The following EI24 variants were observed in gnomAD, a reference collection of about 807,000 sequenced individuals.
The protein encoded by EI24 is etoposide-induced protein 2.4 homolog.
EI24 carries 21 observed loss-of-function variants against 48.6 expected under a neutral mutation model. The ratio of observed to expected loss-of-function variants is 0.43; its 90% CI spans 0.31 to 0.62. EI24 has a LOEUF of 0.62. EI24 is among the 20% of genes least tolerant of loss of function. The pLI is 0.10. For synonymous variants in EI24, 114 were observed against 145.5 expected (o/e 0.78, Z 1.56); for missense variants, 280 against 410.5 (o/e 0.68, Z 2.75).
chr11:125,572,401 G>A (rs778189249), intron 1 of EI24, 57 bp from the exon 2 acceptor site: 82 of 836,104 alleles, frequency 9.8e-5, no homozygotes, highest in Non-Finnish European at 1.6e-4. Flanking sequence ...AAATGTGCAT[G>A]AAGTAACTTA....
Position 125,575,430 on chromosome 11 carries a change from T to C in EI24, c.188+22T>C, listed in dbSNP as rs201948806. The C allele has an allele frequency of 4.8e-4, 739 of 1,549,622 alleles. 3 individuals carry two copies. The highest frequency in any genetic ancestry group is 3.5e-3 in the South Asian group (294 of 84,390). ...AGAGGTAAGGAGTGCATGCCTGATA[T>C]CAAAATGTCCAAGGGAGGGAAGACC... On this transcript the variant is annotated intron_variant, in intron 3 of 10. Transcript: ENST00000278903.
chr11:125,580,001 A>G lies in EI24; in HGVS notation c.562-92A>G, dbSNP rs946087970. 5.0e-6 allele frequency: 5 copies of G among 1,008,580 alleles called. No individual in the cohort carries two copies. In the African/African-American group the frequency reaches 8.0e-5, roughly 16 times the overall value. The allele number at this position is 1,008,580 out of a possible 1,614,324, so 62.5% of individuals were successfully genotyped here. A position where few individuals can be genotyped will look rare whatever the true frequency, so the allele number is the denominator to read the frequency against. The stretch of plus-strand genomic sequence containing the variant: ...TTTAGAAACTTGAGAAGCAGCTAGG[A>G]AGCTATCTCAGACAGTGATTGGAGA... On this transcript the variant is annotated intron_variant, in intron 7 of 10. Coordinates refer to ENST00000278903, the MANE Select transcript of EI24 (RefSeq NM_004879.5).
At position 125,584,248 on chromosome 11, in the gene EI24, A is replaced by T. The variant is rs976754353; in HGVS notation, c.*565A>T. Reference sequence around the variant, plus strand: ...CCACTGCAAAAAAAAAAAAAAAAAAAAAAAAAAAAAAAAAGCCTGAAGAGA... The same window carrying T: ...CCACTGCAAAAAAAAAAAAAAAAAATAAAAAAAAAAAAAAGCCTGAAGAGA... On this transcript the variant is annotated 3_prime_UTR_variant, in exon 11 of 11. Transcript: ENST00000278903. The T allele has an allele frequency of 3.4e-5, 5 of 148,688 alleles. No individual in the cohort carries two copies. Among genetic ancestry groups the T allele is most frequent in the Non-Finnish European group, 7.4e-5 (5 of 67,604 alleles). The allele number at this position is 148,688 out of a possible 1,614,324, so 9.2% of individuals were successfully genotyped here. A position where few individuals can be genotyped will look rare whatever the true frequency, so the allele number is the denominator to read the frequency against.
Position 125,581,284 on chromosome 11 carries a change from G to C in EI24, c.747G>C (p.Leu249Phe), listed in dbSNP as rs1938981542. Residue 249 changes from leucine (L) to phenylalanine (F), a missense_variant, in exon 9 of 11, where the codon TTG becomes TTC. Leu to Phe is a conservative substitution (Grantham distance 22, BLOSUM62 0). Around this residue, in one of 3 missense-constraint regions of EI24, gnomAD observed 14 missense variants for 51.3 expected, o/e 0.27. Transcript: ENST00000278903. ...ACTACTTTGGGTTTGGTTTGCCCTT[G>C]GCTTTTCTCACAGCAATGCAGTCCT... ...WPYYFGFGLP[L>F]AFLTAMQSSY... 6.2e-7 allele frequency: 1 copy of C among 1,610,550 alleles called. No homozygotes were observed. Among genetic ancestry groups the C allele is most frequent in the African/African-American group, 1.3e-5 (1 of 74,754 alleles).
At chr11:125,578,543 G>A (rs905458855) in intron 6 of EI24, among the ~76,000 whole-genome samples, 1 of 129,558 alleles carries the variant, frequency 7.7e-6, no homozygotes, top group Non-Finnish European at 1.5e-5. Context: ...GGAGTGCACT[G>A]CAACCTTTGC....
chr11:125,582,121 A>G (rs1344075578), intron 9 of EI24, among the ~76,000 whole-genome samples: 1 of 151,852 alleles, frequency 6.6e-6, no homozygotes, highest in Non-Finnish European at 1.5e-5. Context: ...TCGCTTGAAC[A>G]CAGGAGGCGG....
chr11:125,582,737 A>G (rs1428559453), intron 10 of EI24, among the ~76,000 whole-genome samples: 2 of 152,230 alleles, frequency 1.3e-5, no homozygotes, highest in East Asian at 3.8e-4. Flanking sequence ...TAATAATAGC[A>G]TTCTAAAAGT....
chr11:125,571,285 T>G (rs567511937), intron 1 of EI24, among the ~76,000 whole-genome samples: 51 of 152,340 alleles, frequency 3.3e-4, no homozygotes, highest in Non-Finnish European at 6.6e-4. Context: ...GAGTGAGTGT[T>G]GAGAACTTTA....
At chr11:125,575,932 G>C in intron 3 of EI24, 1 of 392,598 alleles carries the variant, frequency 2.5e-6, no homozygotes, top group Non-Finnish European at 5.0e-6. Context: ...GGAAGTACAG[G>C]TGCGCACCAC....
At chr11:125,575,118 T>C in intron 2 of EI24, 145 bp from the exon 3 acceptor site, 2 of 610,836 alleles carry the variant, frequency 3.3e-6, no homozygotes, top group Non-Finnish European at 5.1e-6. Flanking sequence ...TCATAGCTCT[T>C]TGGGAGGCTG....
In EI24 at chr11:125,579,062, C is replaced by T. The variant is rs763078247; in HGVS notation, c.555C>T (p.Leu185=). ...LFNLLLQALF[L]IQGMFVSLFP... ...ACCTTTTGCTGCAGGCTCTTTTCCT[C>T]ATTCAGGTGAGACTGACCTTCTGGG... The change falls in exon 7 of 11, where the codon CTC becomes CTT. Residue 185 remains leucine, a synonymous_variant. Coordinates refer to ENST00000278903, the MANE Select transcript of EI24 (RefSeq NM_004879.5). 2 of 1,562,822 alleles carry T rather than the reference C, an allele frequency of 1.3e-6. No homozygotes were observed. Among genetic ancestry groups the T allele is most frequent in the East Asian group, 2.4e-5 (1 of 42,512 alleles).
chr11:125,572,669 A>G (rs1030891473), intron 2 of EI24, 100 bp downstream of exon 2: 62 of 1,136,714 alleles, frequency 5.5e-5, no homozygotes, highest in Non-Finnish European at 7.9e-5. Context: ...AACTTTTATC[A>G]TATTTCTTGG....
chr11:125,579,323 A>C (rs1938887749), intron 7 of EI24, among the ~76,000 whole-genome samples: 2 of 151,650 alleles, frequency 1.3e-5, no homozygotes, highest in Non-Finnish European at 2.9e-5. Context: ...CCAGGTGGAA[A>C]CTTTTTTTCT....
At chr11:125,581,479 G>C in intron 9 of EI24, among the ~76,000 whole-genome samples, 157 bp downstream of exon 9, 1 of 147,060 alleles carries the variant, frequency 6.8e-6, no homozygotes, top group Non-Finnish European at 1.5e-5. Flanking sequence ...TGAAGATCTA[G>C]TCTGAATGTC....
rs867200337 is a variant in EI24, at chr11:125,578,185, G to A, written c.369G>A (p.Thr123=). ...GGTCGTGGCTGGAATTCTTCCTCAC[G>A]TCAATTTTCAGTGCTCTTTGGGTGC... ...DVWSWLEFFL[T]SIFSALWVLP... The change falls in exon 6 of 11, where the codon ACG becomes ACA. Residue 123 remains threonine, a synonymous_variant. Transcript: ENST00000278903. 1.7e-5 allele frequency: 28 copies of A among 1,613,840 alleles called. 1 individual carries two copies. In the Middle Eastern group the frequency reaches 2.5e-3, roughly 144 times the overall value.
rs116802920 is a variant in EI24, at chr11:125,571,046, G to T, written c.-70-1412G>T. On this transcript the variant is annotated intron_variant, in intron 1 of 10. Transcript: ENST00000278903. The stretch of plus-strand genomic sequence containing the variant: ...GTAGGATTTGACCTAAGGAGCAGAG[G>T]GTATATACAATGTTGGGCAAATTGC... Among the ~76,000 whole-genome samples the T allele has an allele frequency of 1.3e-3, 191 of 152,296 alleles. 1 individual carries two copies. The highest frequency in any genetic ancestry group is 4.4e-3 in the African/African-American group (183 of 41,564).
intron 4 of EI24, 23 bp from the exon 5 acceptor site, chr11:125,577,481 G>A: frequency 6.2e-7 from 1 of 1,604,306 alleles, no homozygotes; most frequent in Non-Finnish European, 8.5e-7. Context: ...TTTGATGTTT[G>A]CCTTGTTGCT....
At chr11:125,570,808 ATCTGTGAGTCTT>A (rs552621298) in intron 1 of EI24, among the ~76,000 whole-genome samples, 59 of 152,306 alleles carry the variant, frequency 3.9e-4, no homozygotes, top group African/African-American at 1.4e-3. Context: ...ACGGGAGTGG[ATCTGTGAGTCTT>A]TACAAACTAG....
At chr11:125,572,780 C>T (rs1010315823) in intron 2 of EI24, among the ~76,000 whole-genome samples, 4 of 149,580 alleles carry the variant, frequency 2.7e-5, no homozygotes, top group Admixed American at 6.7e-5. Context: ...AAGACCTCTT[C>T]GGTGGATGTC....
Sources: gnomAD v4.1 joint callset for allele counts (sites outside exome capture counted in the v4.1 genomes callset) on GRCh38, gnomAD v4.1.1 for gene constraint, gnomAD v4.1.1 regional missense constraint, MANE v1.5 for transcripts, NCBI Gene and HGNC (gene_info 2026-07-23, HGNC 2026-07-21) for gene names.